Variants in ADAMTSL2 observed in about 807,000 individuals in gnomAD.
ADAMTSL2 encodes ADAMTS-like protein 2.
ADAMTSL2 carries 55 observed loss-of-function variants against 117.0 expected under a neutral mutation model. The observed-to-expected ratio is 0.47, with a 90% CI of 0.38 to 0.59. ADAMTSL2 has a LOEUF of 0.59. ADAMTSL2 is among the 20% of genes least tolerant of loss of function. ADAMTSL2 has a pLI of 0.00. For synonymous variants in ADAMTSL2, 572 were observed against 566.4 expected (o/e 1.01, Z -0.14); for missense variants, 1,182 against 1,354.5 (o/e 0.87, Z 2.00).
At chr9:133,538,182 C>G (rs1830098184) in intron 3 of ADAMTSL2, among the ~76,000 whole-genome samples, 167 bp from the exon 4 acceptor site, 1 of 152,252 alleles carries the variant, frequency 6.6e-6, no homozygotes, top group African/African-American at 2.4e-5. Context: ...ATCTCATTCC[C>G]CCTTGGCTCT....
chr9:133,555,831 T>C lies in ADAMTSL2; in HGVS notation c.1550T>C (p.Leu517Pro). ...PYLLNGSYLE[L>P]SSDRVANSSS... ...CTGCTCAACGGGTCCTACCTGGAGC[T>C]GAGCAGCGACAGGGTTGCCAACAGC... The change falls in exon 11 of 19, where the codon CTG becomes CCG. Residue 517 changes from leucine (L) to proline (P), a missense_variant. By Grantham distance (98) the Leu-to-Pro change is moderately conservative. Around this residue, in one of 3 missense-constraint regions of ADAMTSL2, gnomAD observed 345 missense variants for 325.8 expected, o/e 1.06. Transcript: ENST00000651351. 6.2e-7 allele frequency: 1 copy of C among 1,613,674 alleles called. No homozygotes were observed. Among genetic ancestry groups the C allele is most frequent in the Non-Finnish European group, 8.5e-7 (1 of 1,179,978 alleles).
intron 5 of ADAMTSL2, among the ~76,000 whole-genome samples, chr9:133,540,389 G>C (rs1027297214): frequency 6.6e-6 from 1 of 152,232 alleles, no homozygotes; most frequent in Non-Finnish European, 1.5e-5. Context: ...CTCACGAGGA[G>C]GTAGAAGCTG....
intron 9 of ADAMTSL2, among the ~76,000 whole-genome samples, chr9:133,553,648 G>A (rs1172685008): frequency 1.3e-5 from 2 of 152,144 alleles, no homozygotes; most frequent in African/African-American, 4.8e-5. Context: ...GTGGGCCCTC[G>A]TTGCCTCTGC....
intron 15 of ADAMTSL2, 95 bp downstream of exon 15, chr9:133,568,853 C>A: frequency 1.3e-6 from 2 of 1,540,160 alleles, no homozygotes; most frequent in Non-Finnish European, 8.9e-7. Context: ...TTTTCCGAGG[C>A]AAGGGTGTGA....
intron 5 of ADAMTSL2, among the ~76,000 whole-genome samples, chr9:133,540,317 G>C (rs892046138): frequency 6.6e-6 from 1 of 152,210 alleles, no homozygotes; most frequent in African/African-American, 2.4e-5. Flanking sequence ...CAGGGGTGTC[G>C]AGTTGGCTCA....
intron 11 of ADAMTSL2, among the ~76,000 whole-genome samples, chr9:133,559,108 ATC>A (rs1830670646): frequency 2.0e-5 from 3 of 152,182 alleles, no homozygotes; most frequent in African/African-American, 7.2e-5. Context: ...GGATCTTTTC[ATC>A]TCTTTTTGTT....
intron 12 of ADAMTSL2, 114 bp downstream of exon 12, chr9:133,561,409 T>G: frequency 1.1e-6 from 1 of 940,888 alleles, no homozygotes; most frequent in Non-Finnish European, 1.7e-6. Context: ...GCCCTCGGGG[T>G]GCTTGTCCGT....
At position 133,558,022 on chromosome 9, in the gene ADAMTSL2, G is replaced by T. The variant is rs934754307; in HGVS notation, c.1649+2092G>T. Reference sequence around the variant, plus strand: ...AATATTCAGTGATCCTTAGGCCAGGGTCATGGCACAAGCTTACGGATCCTC... The same window carrying T: ...AATATTCAGTGATCCTTAGGCCAGGTTCATGGCACAAGCTTACGGATCCTC... On this transcript the variant is annotated intron_variant, in intron 11 of 18. Transcript: ENST00000651351. This position sits in a 1 kb window ranked among gnomAD's most constrained non-coding sequence, Gnocchi z 4.3. 7.2e-5 allele frequency among the ~76,000 whole-genome samples: 11 copies of T among 152,248 alleles called. No individual in the cohort carries two copies. The highest frequency in any genetic ancestry group is 2.6e-4 in the African/African-American group (11 of 41,556).
At chr9:133,549,656 A>AC (rs1830437534) in intron 9 of ADAMTSL2, among the ~76,000 whole-genome samples, 2 of 150,844 alleles carry the variant, frequency 1.3e-5, no homozygotes, top group South Asian at 4.2e-4. Context: ...TAGTGCTTGG[A>AC]TTATAGGCGT....
rs1181346020 is a variant in ADAMTSL2 at position 133,554,531 on chromosome 9, G to A, written c.1114G>A (p.Gly372Ser). 56 of 1,549,372 alleles carry A rather than the reference G, an allele frequency of 3.6e-5. No individual in the cohort carries two copies. Among genetic ancestry groups the A allele is most frequent in the East Asian group, 4.9e-5 (2 of 41,084 alleles). ...CGTCCCGCACAACGGCTCCCTCTAC[G>A]GCCAGGCCTCCTCAGAGCGGCTGGG... ...GFVPHNGSLYGQASSERLGLD... is the reference protein window; with the variant it reads ...GFVPHNGSLYSQASSERLGLD... Residue 372 changes from glycine (G) to serine (S), a missense_variant, in exon 10 of 19, where the codon GGC becomes AGC. Physicochemically the swap from Gly to Ser is moderately conservative, Grantham distance 56. Transcript: ENST00000651351. This position sits in a 1 kb window ranked among gnomAD's most constrained non-coding sequence, Gnocchi z 5.2.
rs1291316292 is a variant in ADAMTSL2, at chr9:133,540,986, G to T, written c.667G>T (p.Gly223Trp). Reference protein sequence around the residue: ...CTHVTGNYRKGNAHLGYSLVT... With the variant: ...CTHVTGNYRKWNAHLGYSLVT... Reference sequence around the variant, plus strand: ...CCACGTGACGGGCAACTATCGCAAGGGGAATGCCCACCTTGGTAAGCCACA... The same window carrying T: ...CCACGTGACGGGCAACTATCGCAAGTGGAATGCCCACCTTGGTAAGCCACA... Residue 223 changes from glycine (G) to tryptophan (W), a missense_variant, in exon 7 of 19, where the codon GGG becomes TGG. Gly to Trp is a radical substitution (Grantham distance 184). This residue lies in a region of ADAMTSL2 where 372 missense variants were observed against 463.4 expected (regional missense o/e 0.80). Transcript: ENST00000651351. 1.9e-6 allele frequency: 3 copies of T among 1,613,242 alleles called. No individual in the cohort carries two copies. Among genetic ancestry groups the T allele is most frequent in the Admixed American group, 1.7e-5 (1 of 60,002 alleles).
chr9:133,548,686 G>A (rs961064950), intron 9 of ADAMTSL2, among the ~76,000 whole-genome samples: 1 of 152,142 alleles, frequency 6.6e-6, no homozygotes, highest in African/African-American at 2.4e-5. Flanking sequence ...ACTGCCAGGT[G>A]TAGTTGCCCC....
intron 1 of ADAMTSL2, among the ~76,000 whole-genome samples, chr9:133,535,464 C>G (rs370822401): frequency 2.2e-3 from 333 of 152,252 alleles, no homozygotes; most frequent in African/African-American, 7.4e-3. Context: ...GCAGTGGTGT[C>G]CTTGGAGTGG....
At position 133,554,181 on chromosome 9, in the gene ADAMTSL2, G is replaced by A. The variant is rs917843077; in HGVS notation, c.940-176G>A. Among the ~76,000 whole-genome samples the A allele has an allele frequency of 1.3e-5, 2 of 152,224 alleles. No individual in the cohort carries two copies. The highest frequency in any genetic ancestry group is 2.9e-5 in the Non-Finnish European group (2 of 68,030). ...CCCTGTTCCCAGGCTCTTTGACTTG[G>A]ATGCCCCTGGGGCAGGAGCACTGCG... On this transcript the variant is annotated intron_variant, in intron 9 of 18. Coordinates refer to ENST00000651351, the MANE Select transcript of ADAMTSL2 (RefSeq NM_014694.4). The surrounding 1 kb of genome is among the most constrained non-coding windows in gnomAD (Gnocchi z 5.2).
intron 7 of ADAMTSL2, among the ~76,000 whole-genome samples, chr9:133,541,755 T>A (rs1374777735): frequency 6.6e-6 from 1 of 152,188 alleles, no homozygotes; most frequent in Admixed American, 6.5e-5. Flanking sequence ...GCAGCACCTG[T>A]CCCCTTCCTA....
chr9:133,534,878 C>A lies in ADAMTSL2; in HGVS notation c.-190C>A. 4 of 1,464,420 alleles carry A rather than the reference C, an allele frequency of 2.7e-6. No individual in the cohort carries two copies. In the East Asian group the frequency reaches 1.2e-4, roughly 42 times the overall value. The allele number at this position is 1,464,420 out of a possible 1,614,324, so 90.7% of individuals were successfully genotyped here. A position where few individuals can be genotyped will look rare whatever the true frequency, so the allele number is the denominator to read the frequency against. On this transcript the variant is annotated 5_prime_UTR_variant, in exon 1 of 19. Transcript: ENST00000651351. ...CGCCGTCTGCCCTCCGCAGCGCTCG[C>A]CCCTTTCTCTGGGAGGACAACCTGC...
chr9:133,569,461 C>T lies in ADAMTSL2; in HGVS notation c.2298C>T (p.Thr766=). ...GRTIRHVYCK[T]SDGRVVPESQ... ...CCATCAGGCACGTGTACTGCAAGAC[C>T]AGCGACGGACGGGTAGTACCTGAGT... Residue 766 remains threonine (T), a synonymous_variant, in exon 16 of 19, where the codon ACC becomes ACT. Coordinates refer to ENST00000651351, the MANE Select transcript of ADAMTSL2 (RefSeq NM_014694.4). 1 of 1,613,658 alleles carries T rather than the reference C, an allele frequency of 6.2e-7. No homozygotes were observed. Among genetic ancestry groups the T allele is most frequent in the South Asian group, 1.1e-5 (1 of 91,066 alleles).
rs1370891379 is a variant in ADAMTSL2, at chr9:133,566,947, G to A, written c.1759G>A (p.Ala587Thr). The change falls in exon 13 of 19, where the codon GCG becomes ACG. Residue 587 changes from alanine to threonine, a missense_variant. Transcript: ENST00000651351. ...SATCTTGVMS[A>T]YAMCVRYDGV... is the part of the protein sequence containing the mutation. The stretch of plus-strand genomic sequence containing the variant: ...TGTCCCCAACCCAGGGGTCATGTCT[G>A]CGTACGCCATGTGTGTCCGCTATGA... 3 of 1,608,416 alleles carry A rather than the reference G, an allele frequency of 1.9e-6. No homozygotes were observed. Among genetic ancestry groups the A allele is most frequent in the East Asian group, 2.2e-5 (1 of 44,734 alleles).
intron 12 of ADAMTSL2, among the ~76,000 whole-genome samples, chr9:133,563,865 G>A (rs1588302134): frequency 2.5e-5 from 1 of 40,540 alleles, no homozygotes; most frequent in Non-Finnish European, 5.4e-5. Context: ...GAGAGAGAGG[G>A]AGAGAGAGAG....
Sources: gnomAD v4.1 joint callset for allele counts (sites outside exome capture counted in the v4.1 genomes callset) on GRCh38, gnomAD v4.1.1 for gene constraint, gnomAD v4.1.1 regional missense constraint, Gnocchi (gnomAD v3.1) non-coding constraint, MANE v1.5 for transcripts, NCBI Gene and HGNC (gene_info 2026-07-23, HGNC 2026-07-21) for gene names.